Variants in RYR1 observed in about 807,000 individuals in gnomAD.
RYR1 encodes central core disease of muscle.
In RYR1, 342 loss-of-function variants were observed where a neutral mutation model predicts 583.5. The ratio of observed to expected loss-of-function variants is 0.59; its 90% CI spans 0.54 to 0.64. The LOEUF (loss-of-function observed/expected upper bound fraction) is 0.64, where lower values mean the gene tolerates loss of function less well. RYR1 is among the 30% of genes least tolerant of loss of function. The pLI, the probability that RYR1 is intolerant of heterozygous loss-of-function variation, is 0.00. For missense variants in RYR1, 6,032 were observed against 6,917.2 expected, an observed-to-expected ratio of 0.87 and a Z score of 4.54; for synonymous variants, 2,791 against 2,822.5, an observed-to-expected ratio of 0.99 and a Z score of 0.35.
At chr19:38,576,305 A>G (rs1019358530) in intron 97 of RYR1, among the ~76,000 whole-genome samples, 1 of 151,858 alleles carries the variant, frequency 6.6e-6, no homozygotes, top group African/African-American at 2.4e-5. Flanking sequence ...AATACAAAAA[A>G]TTAGCACGGT....
chr19:38,478,325 T>G, intron 30 of RYR1, 110 bp from the exon 31 acceptor site: 1 of 1,227,094 alleles, frequency 8.1e-7, no homozygotes, highest in Non-Finnish European at 1.2e-6. Context: ...CGGTGGGTGT[T>G]TGGGGATGGG....
intron 67 of RYR1, 84 bp downstream of exon 67, chr19:38,519,538 G>T: frequency 6.8e-7 from 1 of 1,470,452 alleles, no homozygotes. Flanking sequence ...CTCCTGACTG[G>T]CTAGAAACTT....
At chr19:38,463,255 G>A (rs1967882924) in intron 20 of RYR1, among the ~76,000 whole-genome samples, 168 bp from the exon 21 acceptor site, 1 of 149,786 alleles carries the variant, frequency 6.7e-6, no homozygotes, top group Non-Finnish European at 1.5e-5. Flanking sequence ...ACCCATCTGA[G>A]TGTCAACCCT....
chr19:38,568,844 G>A (rs867976384), intron 93 of RYR1, among the ~76,000 whole-genome samples: 1 of 152,104 alleles, frequency 6.6e-6, no homozygotes, highest in Non-Finnish European at 1.5e-5. Context: ...ATGAGGGATG[G>A]AGGGAAAGGT....
chr19:38,585,773 GCA>G (rs1974457070), intron 102 of RYR1, among the ~76,000 whole-genome samples, 163 bp from the exon 103 acceptor site: 1 of 151,958 alleles, frequency 6.6e-6, no homozygotes, highest in African/African-American at 2.4e-5. Flanking sequence ...GTGAGCCACC[GCA>G]CCCGGCCAAT....
At position 38,460,508 on chromosome 19, in the gene RYR1, G is replaced by A. The variant is rs1244459275; in HGVS notation, c.2494G>A (p.Gly832Arg). ...LEPIKEYRRE[G>R]PRGPHLVGPS... ...ACCCATCAAGGAGTATCGACGGGAGGGGCCCCGGGGGCCTCACCTGGTGGG... is the reference window on the plus strand; with the variant it reads ...ACCCATCAAGGAGTATCGACGGGAGAGGCCCCGGGGGCCTCACCTGGTGGG... The change falls in exon 20 of 106, where the codon GGG becomes AGG. Residue 832 changes from glycine (G) to arginine (R), a missense_variant. Transcript: ENST00000359596. 6.2e-7 allele frequency: 1 copy of A among 1,614,172 alleles called. No homozygotes were observed. Among genetic ancestry groups the A allele is most frequent in the East Asian group, 2.2e-5 (1 of 44,882 alleles).
At position 38,473,592 on chromosome 19, in the gene RYR1, C is replaced by T. The variant is rs763082630; in HGVS notation, c.3981C>T (p.Pro1327=). The T allele has an allele frequency of 1.9e-6, 3 of 1,584,194 alleles. No individual in the cohort carries two copies. Among genetic ancestry groups the T allele is most frequent in the Non-Finnish European group, 2.6e-6 (3 of 1,165,572 alleles). The change falls in exon 28 of 106, where the codon CCC becomes CCT. Residue 1327 remains proline, a synonymous_variant. Coordinates refer to ENST00000359596, the MANE Select transcript of RYR1 (RefSeq NM_000540.3). ...AGGACGAGGCCCGGGCGGCGGAACC[C>T]GACCCTGACTACGAAAACCTGCGCC... ...PAEDEARAAE[P]DPDYENLRRS...
chr19:38,508,403 G>A (rs369163680), intron 58 of RYR1, among the ~76,000 whole-genome samples: 5 of 152,020 alleles, frequency 3.3e-5, no homozygotes, highest in South Asian at 2.1e-4. Context: ...TAGTAGAGAC[G>A]GGGTTTCACC....
intron 99 of RYR1, among the ~76,000 whole-genome samples, chr19:38,579,640 T>C (rs1004750289): frequency 6.7e-6 from 1 of 150,358 alleles, no homozygotes; most frequent in African/African-American, 2.4e-5. Flanking sequence ...AGTCTCGCTA[T>C]GTTGCCCAGA....
intron 89 of RYR1, among the ~76,000 whole-genome samples, chr19:38,553,795 T>C (rs1401218503): frequency 5.9e-5 from 9 of 152,232 alleles, no homozygotes; most frequent in Admixed American, 5.2e-4. Flanking sequence ...ATTTTTTAAA[T>C]GAAAATACAA....
intron 9 of RYR1, among the ~76,000 whole-genome samples, 192 bp from the exon 10 acceptor site, chr19:38,448,163 G>A (rs1966886842): frequency 6.6e-6 from 1 of 152,062 alleles, no homozygotes; most frequent in South Asian, 2.1e-4. Flanking sequence ...CGGGTGCAGT[G>A]GCTCATGCCT....
In RYR1 at chr19:38,579,972, G is replaced by A. The variant is rs886165318; in HGVS notation, c.14365-10G>A. ...CCTTCCCCCTGACCCCTGGCCCTGT[G>A]TGCCCACAGTCCTTCCTGTACCTGG... On this transcript the variant is annotated splice_polypyrimidine_tract_variant and intron_variant, in intron 99 of 105. Coordinates refer to ENST00000359596, the MANE Select transcript of RYR1 (RefSeq NM_000540.3). 1 of 1,613,918 alleles carries A rather than the reference G, an allele frequency of 6.2e-7. No homozygotes were observed. Among genetic ancestry groups the A allele is most frequent in the Admixed American group, 1.7e-5 (1 of 59,976 alleles).
Position 38,555,484 on chromosome 19 carries a change from C to T in RYR1, c.12283-5629C>T, listed in dbSNP as rs144903129. On this transcript the variant is annotated intron_variant, in intron 89 of 105. Transcript: ENST00000359596. ...AAAAAAATGCATGTGTGTGTGCGCA[C>T]GTGTGTGTGTATGTGTGTGTGGCCT... Among the ~76,000 whole-genome samples the T allele has an allele frequency of 3.9e-3, 583 of 150,162 alleles. 3 individuals are homozygous for T. The highest frequency in any genetic ancestry group is 0.031 in the Middle Eastern group (9 of 286).
Position 38,565,099 on chromosome 19 carries a change from C to T in RYR1, c.12765C>T (p.Gly4255=). 1 of 1,548,756 alleles carries T rather than the reference C, an allele frequency of 6.5e-7. No homozygotes were observed. The change falls in exon 91 of 106, where the codon GGC becomes GGT. Residue 4255 remains glycine (G), a synonymous_variant. Transcript: ENST00000359596. The surrounding 1 kb of genome is among the most constrained non-coding windows in gnomAD (Gnocchi z 4.7). ...CCGCGCAGATCTCGGAGCCCGAGGG[C>T]GAGCCGGAGACCGACGAGGACGAGG... is the stretch of plus-strand genomic sequence containing the variant. The part of the protein sequence containing the change: ...QIAAQISEPE[G]EPETDEDEGA...
At position 38,475,368 on chromosome 19, in the gene RYR1, C is replaced by T. The variant is rs1403441911; in HGVS notation, c.4211C>T (p.Thr1404Ile). 2.5e-6 allele frequency: 4 copies of T among 1,612,622 alleles called. No individual in the cohort carries two copies. The highest frequency in any genetic ancestry group is 2.2e-5 in the East Asian group (1 of 44,856). The change falls in exon 29 of 106, where the codon ACC (threonine) becomes ATC (isoleucine). Residue 1404 changes from threonine to isoleucine, a missense_variant. This residue lies in a region of RYR1 where 2,627 missense variants were observed against 2,961.3 expected (regional missense o/e 0.89). Coordinates refer to ENST00000359596, the MANE Select transcript of RYR1 (RefSeq NM_000540.3). ...GCCATGATGACCCAGCCACCGGCCACCCCCACGCTGCCCCGACTCCCTCAC... is the reference window on the plus strand; with the variant it reads ...GCCATGATGACCCAGCCACCGGCCATCCCCACGCTGCCCCGACTCCCTCAC... ...KVAMMTQPPA[T>I]PTLPRLPHDV...
In RYR1 at chr19:38,467,730, G is replaced by A. The variant is rs755973279; in HGVS notation, c.3299G>A (p.Arg1100His). The change falls in exon 25 of 106, where the codon CGC becomes CAC. Residue 1100 changes from arginine (R) to histidine (H), a missense_variant. By Grantham distance (29) the Arg-to-His change is conservative. Coordinates refer to ENST00000359596, the MANE Select transcript of RYR1 (RefSeq NM_000540.3). ...GAAGCAGTCACCACAGGCGAGATGC[G>A]CGTGGGCTGGGCGAGGCCCGAGCTG... The part of the protein sequence containing the change: ...EFEAVTTGEM[R>H]VGWARPELRP... 41 of 1,614,110 alleles carry A rather than the reference G, an allele frequency of 2.5e-5. No homozygotes were observed. The highest frequency in any genetic ancestry group is 3.3e-5 in the South Asian group (3 of 91,090).
At chr19:38,475,192 T>C (rs1600735825) in intron 28 of RYR1, 126 bp from the exon 29 acceptor site, 1 of 1,322,518 alleles carries the variant, frequency 7.6e-7, no homozygotes, top group Non-Finnish European at 1.0e-6. Context: ...AATCCAGCCC[T>C]CTAGAGGCAA....
intron 76 of RYR1, among the ~76,000 whole-genome samples, chr19:38,529,281 G>A (rs925577524): frequency 1.3e-5 from 2 of 152,340 alleles, no homozygotes; most frequent in African/African-American, 4.8e-5. Context: ...AGGAGTTCAA[G>A]ACCAGCCTGG....
Position 38,512,114 on chromosome 19 carries a change from C to T in RYR1, c.9215C>T (p.Ala3072Val), listed in dbSNP as rs1970754416. ...GTGGTCAACTGTCTTCACATCCTGG[C>T]CCGCTCCCTGGATGCCAGGTAGGGC... ...PAVVNCLHIL[A>V]RSLDARTVMK... is the part of the protein sequence containing the mutation. The change falls in exon 62 of 106, where the codon GCC becomes GTC. Residue 3072 changes from alanine to valine, a missense_variant. By Grantham distance (64) the Ala-to-Val change is moderately conservative. Transcript: ENST00000359596. The surrounding 1 kb of genome is among the most constrained non-coding windows in gnomAD (Gnocchi z 5.1). 5 of 1,614,184 alleles carry T rather than the reference C, an allele frequency of 3.1e-6. No individual in the cohort carries two copies. Among genetic ancestry groups the T allele is most frequent in the East Asian group, 4.5e-5 (2 of 44,888 alleles).
Sources: gnomAD v4.1 joint callset for allele counts (sites outside exome capture counted in the v4.1 genomes callset) on GRCh38, gnomAD v4.1.1 for gene constraint, gnomAD v4.1.1 regional missense constraint, Gnocchi (gnomAD v3.1) non-coding constraint, MANE v1.5 for transcripts, NCBI Gene and HGNC (gene_info 2026-07-23, HGNC 2026-07-21) for gene names.